The following PLEKHA7 variants were observed in gnomAD, a reference collection of about 807,000 sequenced individuals.
The protein encoded by PLEKHA7 is pleckstrin homology domain containing A7.
PLEKHA7 carries 104 observed loss-of-function variants against 170.0 expected under a neutral mutation model. The observed-to-expected ratio is 0.61, with a 90% CI of 0.52 to 0.72. PLEKHA7 has a LOEUF of 0.72. Ranked by LOEUF, PLEKHA7 falls within the 30% of genes least tolerant of loss-of-function variation. PLEKHA7 has a pLI of 0.00. For synonymous variants in PLEKHA7, 648 were observed against 660.8 expected (o/e 0.98, Z 0.30); for missense variants, 1,615 against 1,671.7 (o/e 0.97, Z 0.59).
intron 3 of PLEKHA7, among the ~76,000 whole-genome samples, chr11:16,931,765 C>A (rs61679669): frequency 1.1e-4 from 16 of 140,898 alleles, no homozygotes; most frequent in African/African-American, 2.2e-4. Flanking sequence ...TCCCCCCCCC[C>A]CCAAAAAAAA....
intron 26 of PLEKHA7, chr11:16,781,309 T>C (rs998842115): frequency 1.3e-5 from 2 of 152,000 alleles, no homozygotes; most frequent in African/African-American, 4.8e-5. Flanking sequence ...CATCCCTGAG[T>C]AGGGAGGAAG....
intron 3 of PLEKHA7, among the ~76,000 whole-genome samples, chr11:16,988,890 A>G (rs1399364704): frequency 1.3e-5 from 2 of 152,188 alleles, no homozygotes; most frequent in East Asian, 1.9e-4. Flanking sequence ...AGCCCTTCAG[A>G]TATCTGCAGC....
chr11:16,903,265 G>A (rs35865759), intron 3 of PLEKHA7, among the ~76,000 whole-genome samples: 22,027 of 152,162 alleles, frequency 0.14, 1,737 homozygotes, highest in African/African-American at 0.18. Flanking sequence ...CCATGCACAC[G>A]GCCTGGCATA....
chr11:16,844,249 T>C (rs143804606), intron 8 of PLEKHA7, among the ~76,000 whole-genome samples: 283 of 152,340 alleles, frequency 1.9e-3, no homozygotes, highest in East Asian at 5.8e-3. Flanking sequence ...TGGGTTTGCA[T>C]GTCTATTTGC....
chr11:16,885,223 AG>A (rs2135844418), intron 3 of PLEKHA7, among the ~76,000 whole-genome samples: 1 of 151,952 alleles, frequency 6.6e-6, no homozygotes, highest in East Asian at 1.9e-4. Context: ...TCAGCTACTC[AG>A]GAGGCTGAGG....
intron 13 of PLEKHA7, among the ~76,000 whole-genome samples, 175 bp downstream of exon 13, chr11:16,812,938 A>G (rs976586004): frequency 6.6e-6 from 1 of 152,246 alleles, no homozygotes; most frequent in African/African-American, 2.4e-5. Flanking sequence ...GAAAAAAGGC[A>G]GAGTTTTAGT....
chr11:16,844,607 C>T (rs1484457695), intron 8 of PLEKHA7, among the ~76,000 whole-genome samples: 2 of 152,326 alleles, frequency 1.3e-5, no homozygotes, highest in East Asian at 1.9e-4. Flanking sequence ...TATGAAGCAA[C>T]TTTGCATAAC....
At chr11:16,833,730 A>T (rs1052602739) in intron 9 of PLEKHA7, among the ~76,000 whole-genome samples, 8 of 152,300 alleles carry the variant, frequency 5.3e-5, no homozygotes, top group African/African-American at 1.4e-4. Flanking sequence ...CTACCGGATT[A>T]CCTATAATAA....
At chr11:16,968,409 C>T (rs1862504830) in intron 3 of PLEKHA7, among the ~76,000 whole-genome samples, 2 of 152,206 alleles carry the variant, frequency 1.3e-5, no homozygotes, top group African/African-American at 2.4e-5. Context: ...GAGATCAGGC[C>T]TCCTCCTGGC....
At chr11:16,782,691 G>A in intron 26 of PLEKHA7, 63 bp downstream of exon 26, 2 of 1,522,262 alleles carry the variant, frequency 1.3e-6, no homozygotes, top group South Asian at 1.2e-5. Context: ...GGCCATGCTG[G>A]GCCCAAGCCC....
chr11:16,804,896 G>T (rs217743), intron 13 of PLEKHA7, among the ~76,000 whole-genome samples: 19 of 152,242 alleles, frequency 1.2e-4, no homozygotes, highest in East Asian at 3.9e-4. Flanking sequence ...ATGCGGGGGG[G>T]GCGGTGCAGG....
At chr11:16,903,737 G>C (rs1451346672) in intron 3 of PLEKHA7, among the ~76,000 whole-genome samples, 1 of 152,180 alleles carries the variant, frequency 6.6e-6, no homozygotes, top group Non-Finnish European at 1.5e-5. Flanking sequence ...GGCAGAAATA[G>C]AGACATCTTT....
rs1380908424 is a variant in PLEKHA7, at chr11:16,783,639, T to C, written c.3650+61A>G. 3.0e-6 allele frequency: 4 copies of C among 1,331,920 alleles called. No homozygotes were observed. The African/African-American group carries it at 6.1e-5, about 20-fold the overall frequency. 82.5% of individuals were successfully genotyped at this position (1,331,920 alleles called of 1,614,324 possible). A position where few individuals can be genotyped will look rare whatever the true frequency, so the allele number is the denominator to read the frequency against. ...CAGCCAGCCCGGCCCAGGGCCCACA[T>C]GGTAGAGACGCCACCTGGGGTCAGG... On this transcript the variant is annotated intron_variant, in intron 25 of 26. Coordinates refer to ENST00000531066, the MANE Select transcript of PLEKHA7 (RefSeq NM_001329630.2).
At chr11:16,804,858 A>G (rs549444925) in intron 13 of PLEKHA7, among the ~76,000 whole-genome samples, 9 of 151,928 alleles carry the variant, frequency 5.9e-5, no homozygotes, top group Non-Finnish European at 1.2e-4. Context: ...AACAATCCAC[A>G]AACAAACAGA....
chr11:16,956,332 G>A (rs1410198081), intron 3 of PLEKHA7, among the ~76,000 whole-genome samples: 1 of 152,168 alleles, frequency 6.6e-6, no homozygotes, highest in Non-Finnish European at 1.5e-5. Context: ...TGCACGTGTT[G>A]AATACTCATT....
At chr11:16,834,074 G>A (rs1182075694) in intron 9 of PLEKHA7, among the ~76,000 whole-genome samples, 3 of 152,164 alleles carry the variant, frequency 2.0e-5, no homozygotes, top group South Asian at 2.1e-4. Flanking sequence ...GCAGTGGCGC[G>A]GTTTCGACTC....
At chr11:16,871,291 G>A (rs1854824132) in intron 3 of PLEKHA7, 109 bp from the exon 4 acceptor site, 1 of 820,710 alleles carries the variant, frequency 1.2e-6, no homozygotes, top group Admixed American at 1.9e-5. Context: ...AGATTTCACA[G>A]GGGGAGAAAT....
rs1590316096 is a variant in PLEKHA7 at position 16,845,756 on chromosome 11, A to C, written c.697-4034T>G. ...GCAGTACAGAGAAGAGGTTCGAGTCAGCAGAAACAGGTGAGGGGGGGATGG... is the reference window on the plus strand; with the variant it reads ...GCAGTACAGAGAAGAGGTTCGAGTCCGCAGAAACAGGTGAGGGGGGGATGG... On this transcript the variant is annotated intron_variant, in intron 8 of 26. Coordinates refer to ENST00000531066, the MANE Select transcript of PLEKHA7 (RefSeq NM_001329630.2). Among the ~76,000 whole-genome samples the C allele has an allele frequency of 2.0e-5, 3 of 152,306 alleles. No homozygotes were observed. The South Asian group carries it at 6.2e-4, about 32-fold the overall frequency.
At chr11:16,959,389 A>C (rs778475842) in intron 3 of PLEKHA7, among the ~76,000 whole-genome samples, 10 of 152,220 alleles carry the variant, frequency 6.6e-5, no homozygotes, top group Non-Finnish European at 1.3e-4. Context: ...AGAAAATTCA[A>C]ATCCTGTCTT....
Sources: allele counts gnomAD v4.1 joint callset (sites outside exome capture counted in the v4.1 genomes callset), GRCh38; gene constraint gnomAD v4.1.1; transcripts MANE v1.5; gene names NCBI Gene and HGNC (gene_info 2026-07-23, HGNC 2026-07-21).